Variants in DOCK2 observed in about 807,000 individuals in gnomAD.
The protein encoded by DOCK2 is dedicator of cytokinesis protein 2.
DOCK2 carries 87 observed loss-of-function variants against 248.9 expected under a neutral mutation model. That is an observed-to-expected ratio of 0.35 (90% confidence interval 0.29 to 0.42). The LOEUF is 0.42. DOCK2 is among the 10% of genes least tolerant of loss of function. The pLI, the probability that DOCK2 is intolerant of heterozygous loss-of-function variation, is 1.00. For missense variants in DOCK2, 1,747 were observed against 2,300.2 expected (o/e 0.76, Z 4.92); for synonymous variants, 805 against 821.6 (o/e 0.98, Z 0.35).
chr5:169,722,803 A>G (rs935367405), intron 22 of DOCK2, among the ~76,000 whole-genome samples: 2 of 152,238 alleles, frequency 1.3e-5, no homozygotes, highest in Non-Finnish European at 2.9e-5. Flanking sequence ...AAGAAATTCC[A>G]GGGTCTTGAT....
At chr5:169,880,050 AT>A (rs748592124) in intron 27 of DOCK2, among the ~76,000 whole-genome samples, 12 of 152,118 alleles carry the variant, frequency 7.9e-5, no homozygotes, top group Non-Finnish European at 1.6e-4. Context: ...TGATTAGAAA[AT>A]TTGTTCAAGT....
intron 1 of DOCK2, among the ~76,000 whole-genome samples, chr5:169,639,848 A>G (rs886093442): frequency 6.6e-6 from 1 of 152,226 alleles, no homozygotes; most frequent in African/African-American, 2.4e-5. Flanking sequence ...TGAGGATGAT[A>G]TATTAGTTTG....
In DOCK2 at chr5:169,856,973, C is replaced by T. The variant is rs1426265169; in HGVS notation, c.2799+16121C>T. On this transcript the variant is annotated intron_variant, in intron 27 of 51. Transcript: ENST00000520908. Reference sequence around the variant, plus strand: ...AGTAAAATCTAATATAGTATACTTACGGATTCTAAGAATTTGTGAAAGCCA... The same window carrying T: ...AGTAAAATCTAATATAGTATACTTATGGATTCTAAGAATTTGTGAAAGCCA... Among the ~76,000 whole-genome samples, 5 of 152,164 alleles carry T rather than the reference C, an allele frequency of 3.3e-5. 1 individual carries two copies. Among genetic ancestry groups the T allele is most frequent in the Admixed American group, 1.3e-4 (2 of 15,272 alleles).
At chr5:169,701,411 G>T (rs1371817266) in intron 13 of DOCK2, among the ~76,000 whole-genome samples, 2 of 152,140 alleles carry the variant, frequency 1.3e-5, no homozygotes, top group Non-Finnish European at 2.9e-5. Context: ...TCTGGCGGTT[G>T]TCTCCTAGGG....
At chr5:169,681,710 T>G in intron 6 of DOCK2, 34 bp from the exon 7 acceptor site, 1 of 1,608,800 alleles carries the variant, frequency 6.2e-7, no homozygotes, top group Non-Finnish European at 8.5e-7. Flanking sequence ...AGTTCTCCCC[T>G]GATTTGTCTT....
chr5:169,806,223 T>TC (rs1324668989), intron 26 of DOCK2, among the ~76,000 whole-genome samples: 20 of 150,766 alleles, frequency 1.3e-4, no homozygotes, highest in Admixed American at 9.2e-4. Context: ...TCGAGAGTTT[T>TC]TTTTTTTTTT....
chr5:170,080,134 G>T, intron 49 of DOCK2, 29 bp from the exon 50 acceptor site: 1 of 1,613,244 alleles, frequency 6.2e-7, no homozygotes, highest in Non-Finnish European at 8.5e-7. Flanking sequence ...CTTTGTGTGT[G>T]TGTGTGTGTG....
intron 23 of DOCK2, among the ~76,000 whole-genome samples, chr5:169,759,076 A>G (rs969877843): frequency 2.0e-5 from 3 of 152,138 alleles, no homozygotes; most frequent in Non-Finnish European, 4.4e-5. Flanking sequence ...TGTGGCTCCT[A>G]TCTCTGGATG....
At chr5:169,645,179 A>G (rs1270130410) in intron 1 of DOCK2, among the ~76,000 whole-genome samples, 1 of 152,240 alleles carries the variant, frequency 6.6e-6, no homozygotes. Flanking sequence ...TTGCTGGGCC[A>G]AATGGTATTT....
intron 22 of DOCK2, among the ~76,000 whole-genome samples, chr5:169,737,543 G>A (rs1763102048): frequency 6.6e-6 from 1 of 152,160 alleles, no homozygotes; most frequent in African/African-American, 2.4e-5. Flanking sequence ...AAACCCTTAG[G>A]TAGTTTCAGG....
chr5:170,078,216 G>T (rs923663044), intron 48 of DOCK2, among the ~76,000 whole-genome samples: 1 of 152,084 alleles, frequency 6.6e-6, no homozygotes, highest in Admixed American at 6.5e-5. Context: ...CAACCACGAT[G>T]GGATGTCTCC....
At chr5:169,843,012 A>G (rs972428042) in intron 27 of DOCK2, among the ~76,000 whole-genome samples, 1 of 152,202 alleles carries the variant, frequency 6.6e-6, no homozygotes, top group Non-Finnish European at 1.5e-5. Flanking sequence ...TAAATGCATT[A>G]GCCCAATCAT....
At chr5:169,723,893 T>C (rs890885011) in intron 22 of DOCK2, among the ~76,000 whole-genome samples, 2 of 152,164 alleles carry the variant, frequency 1.3e-5, no homozygotes, top group Admixed American at 6.5e-5. Flanking sequence ...CTTTGACTGT[T>C]TTGTACTCTG....
intron 8 of DOCK2, among the ~76,000 whole-genome samples, chr5:169,687,641 G>T (rs555398104): frequency 4.6e-5 from 7 of 152,274 alleles, no homozygotes; most frequent in South Asian, 2.1e-4. Flanking sequence ...AAAATCTGAT[G>T]ACTCAACTCA....
intron 26 of DOCK2, 91 bp downstream of exon 26, chr5:169,803,297 G>A: frequency 6.7e-7 from 1 of 1,494,270 alleles, no homozygotes; most frequent in Non-Finnish European, 8.9e-7. Context: ...GATAGCAGCT[G>A]GAGTCTAAAG....
In DOCK2 at chr5:169,695,803, G is replaced by C; in HGVS notation, c.844G>C (p.Asp282His). ...MLNNLKVVFTDLGNKDLNRDK... is the reference protein window; with the variant it reads ...MLNNLKVVFTHLGNKDLNRDK... The stretch of plus-strand genomic sequence containing the variant: ...CAATTTTTTGTTTCTTTCCCCCCAG[G>C]ATCTTGGAAACAAAGACCTCAACAG... Residue 282 changes from aspartate to histidine, a missense_variant and splice_region_variant, in exon 10 of 52, where the codon GAT becomes CAT. Asp to His is a moderately conservative substitution (Grantham distance 81). Coordinates refer to ENST00000520908, the MANE Select transcript of DOCK2 (RefSeq NM_004946.3). 1 of 1,612,880 alleles carries C rather than the reference G, an allele frequency of 6.2e-7. No individual in the cohort carries two copies. Among genetic ancestry groups the C allele is most frequent in the Non-Finnish European group, 8.5e-7 (1 of 1,179,682 alleles).
intron 30 of DOCK2, among the ~76,000 whole-genome samples, chr5:170,000,700 G>A (rs1272822416): frequency 6.6e-6 from 1 of 152,202 alleles, no homozygotes; most frequent in Non-Finnish European, 1.5e-5. Flanking sequence ...AGGCAGCACT[G>A]TCTTTGGTAT....
At chr5:169,837,272 C>T (rs183036941) in intron 26 of DOCK2, among the ~76,000 whole-genome samples, 2 of 152,250 alleles carry the variant, frequency 1.3e-5, no homozygotes, top group South Asian at 2.1e-4. Flanking sequence ...TACAAGCTAC[C>T]GTTTAGTTTG....
intron 27 of DOCK2, among the ~76,000 whole-genome samples, chr5:169,849,340 G>GTGT: frequency 6.6e-6 from 1 of 152,330 alleles, no homozygotes; most frequent in Admixed American, 6.5e-5. Flanking sequence ...GCTTGTTAGT[G>GTGT]GAAGAACTAG....
Sources: gnomAD v4.1 joint callset for allele counts (sites outside exome capture counted in the v4.1 genomes callset) on GRCh38, gnomAD v4.1.1 for gene constraint, MANE v1.5 for transcripts, NCBI Gene and HGNC (gene_info 2026-07-23, HGNC 2026-07-21) for gene names.